BRINP3: variants seen among roughly 807,000 people sequenced by gnomAD.
BRINP3 encodes the protein BMP/retinoic acid inducible neural specific 3.
A neutral mutation model predicts 71.0 loss-of-function variants in BRINP3; 19 were observed. That is an observed-to-expected ratio of 0.27 (90% CI 0.19 to 0.39). The LOEUF (loss-of-function observed/expected upper bound fraction) is 0.39, where lower values mean the gene tolerates loss of function less well. Among genes scored for constraint, BRINP3 ranks in the 10% least tolerant of loss-of-function variants. BRINP3 has a pLI of 1.00. For missense variants in BRINP3, 959 were observed against 940.8 expected (o/e 1.02, Z -0.25); for synonymous variants, 380 against 337.7 (o/e 1.13, Z -1.37).
Position 190,196,786 on chromosome 1 carries a change from C to T in BRINP3, c.961+29296G>A, listed in dbSNP as rs118011647. Among the ~76,000 whole-genome samples the T allele has an allele frequency of 1.1e-3, 161 of 151,766 alleles. 1 individual carries two copies. The highest frequency in any genetic ancestry group is 0.011 in the East Asian group (54 of 5,138). ...CTGTTTTTCTGAGATCCATGTTTGTCTCATTTAATAAGGGTCATCTATGAG... is the reference window on the plus strand; with the variant it reads ...CTGTTTTTCTGAGATCCATGTTTGTTTCATTTAATAAGGGTCATCTATGAG... On this transcript the variant is annotated intron_variant, in intron 6 of 7. Transcript: ENST00000367462.
chr1:190,356,532 G>A (rs1338185390), intron 2 of BRINP3, among the ~76,000 whole-genome samples: 1 of 151,910 alleles, frequency 6.6e-6, no homozygotes, highest in Non-Finnish European at 1.5e-5. Flanking sequence ...TTTCTCCAAT[G>A]TCAGGAGGAT....
intron 2 of BRINP3, chr1:190,342,441 T>G (rs891420180): frequency 2.0e-5 from 3 of 151,570 alleles, no homozygotes; most frequent in African/African-American, 7.3e-5. Context: ...CCATTTGCTT[T>G]TTACATCCTA....
chr1:190,397,056 C>T (rs933840999), intron 2 of BRINP3, among the ~76,000 whole-genome samples: 1 of 151,766 alleles, frequency 6.6e-6, no homozygotes, highest in East Asian at 1.9e-4. Flanking sequence ...GTTGTGTTTG[C>T]CACTGTGGAC....
intron 2 of BRINP3, among the ~76,000 whole-genome samples, chr1:190,322,472 A>T (rs935554134): frequency 1.1e-4 from 17 of 152,186 alleles, no homozygotes; most frequent in Admixed American, 6.6e-5. Context: ...AACACCATGG[A>T]TTGCGTATAC....
At chr1:190,384,439 A>G (rs986390967) in intron 2 of BRINP3, among the ~76,000 whole-genome samples, 37 of 151,914 alleles carry the variant, frequency 2.4e-4, no homozygotes, top group African/African-American at 8.4e-4. Flanking sequence ...CAGAGTTTTA[A>G]TAGAATCTGT....
At chr1:190,425,646 C>G (rs1019651220) in intron 2 of BRINP3, among the ~76,000 whole-genome samples, 1 of 151,718 alleles carries the variant, frequency 6.6e-6, no homozygotes, top group Non-Finnish European at 1.5e-5. Flanking sequence ...ACCCCTTTTA[C>G]TAGAAACATG....
At chr1:190,163,022 A>T (rs1651153153) in intron 6 of BRINP3, among the ~76,000 whole-genome samples, 1 of 152,108 alleles carries the variant, frequency 6.6e-6, no homozygotes, top group Non-Finnish European at 1.5e-5. Context: ...TCAGATGTTA[A>T]AACTAACATC....
rs1674631886 is a variant in BRINP3 at position 190,438,776 on chromosome 1, G to GAAGAGTA, written c.236+15872_236+15878dup. Among the ~76,000 whole-genome samples, 5 of 151,946 alleles carry GAAGAGTA rather than the reference G, an allele frequency of 3.3e-5. No individual in the cohort carries two copies. In the South Asian group the frequency reaches 1.0e-3, roughly 31 times the overall value. ...AATAAGGAGAAAGGCACTAACCAAGGAAGAGTAAATGTTCCCTCTCAAGAT... is the reference window on the plus strand; with the variant it reads ...AATAAGGAGAAAGGCACTAACCAAGGAAGAGTAAAGAGTAAATGTTCCCTCTCAAGAT... On this transcript the variant is annotated intron_variant, in intron 2 of 7. Coordinates refer to ENST00000367462, the MANE Select transcript of BRINP3 (RefSeq NM_199051.3).
At chr1:190,407,428 A>G (rs1342085944) in intron 2 of BRINP3, among the ~76,000 whole-genome samples, 1 of 152,180 alleles carries the variant, frequency 6.6e-6, no homozygotes, top group African/African-American at 2.4e-5. Context: ...ACTCCACCTC[A>G]GTATACATGG....
At chr1:190,265,164 G>T (rs1392391891) in intron 3 of BRINP3, 109 bp from the exon 4 acceptor site, 3 of 967,392 alleles carry the variant, frequency 3.1e-6, no homozygotes, top group Non-Finnish European at 1.5e-6. Context: ...ACAAAGGAGT[G>T]ATATATGCCA....
intron 2 of BRINP3, among the ~76,000 whole-genome samples, chr1:190,393,212 T>C (rs541135074): frequency 2.0e-5 from 3 of 151,820 alleles, no homozygotes; most frequent in East Asian, 3.9e-4. Context: ...TGCATGCATG[T>C]ATTTAAATAC....
chr1:190,239,199 G>T (rs773798142), intron 4 of BRINP3, among the ~76,000 whole-genome samples: 1 of 152,102 alleles, frequency 6.6e-6, no homozygotes, highest in African/African-American at 2.4e-5. Flanking sequence ...TTTGAGATGA[G>T]ATTTGGGTGA....
Position 190,097,728 on chromosome 1 carries a change from T to C in BRINP3, c.*290A>G, listed in dbSNP as rs1028267289. The C allele has an allele frequency of 1.8e-5, 5 of 281,584 alleles. No homozygotes were observed. The Admixed American group carries it at 1.9e-4, about 11-fold the overall frequency. The allele number at this position is 281,584 out of a possible 1,614,324, so 17.4% of individuals were successfully genotyped here. A position where few individuals can be genotyped will look rare whatever the true frequency, so the allele number is the denominator to read the frequency against. ...TTTATGTTCCCTCTAGAGGATGTAA[T>C]GCACAAAAGCATTGCCACGGAACAT... On this transcript the variant is annotated 3_prime_UTR_variant, in exon 8 of 8. Transcript: ENST00000367462.
chr1:190,423,298 A>G (rs1055830857), intron 2 of BRINP3, among the ~76,000 whole-genome samples: 1 of 151,716 alleles, frequency 6.6e-6, no homozygotes, highest in Non-Finnish European at 1.5e-5. Context: ...TTTCACTGTT[A>G]TAGAGTTCAA....
intron 2 of BRINP3, among the ~76,000 whole-genome samples, chr1:190,446,809 GC>G (rs1241056413): frequency 6.6e-6 from 1 of 151,976 alleles, no homozygotes; most frequent in African/African-American, 2.4e-5. Context: ...AAGAATACAT[GC>G]CTCCTTGCTT....
At chr1:190,258,257 T>C (rs1216545071) in intron 4 of BRINP3, among the ~76,000 whole-genome samples, 2 of 152,152 alleles carry the variant, frequency 1.3e-5, no homozygotes, top group Non-Finnish European at 1.5e-5. Context: ...GCCCTAGCAG[T>C]GAGCAAGGCT....
chr1:190,327,963 TA>T (rs1305477028), intron 2 of BRINP3, among the ~76,000 whole-genome samples: 1 of 151,954 alleles, frequency 6.6e-6, no homozygotes, highest in Non-Finnish European at 1.5e-5. Flanking sequence ...ACTCTTGGAG[TA>T]AAAACAGAAA....
chr1:190,461,859 C>A (rs1303138222), intron 1 of BRINP3, among the ~76,000 whole-genome samples: 1 of 152,054 alleles, frequency 6.6e-6, no homozygotes, highest in Non-Finnish European at 1.5e-5. Flanking sequence ...TTTTTAAGAC[C>A]AGATTGTAAA....
intron 2 of BRINP3, among the ~76,000 whole-genome samples, chr1:190,433,901 G>T (rs1426010012): frequency 6.6e-6 from 1 of 152,048 alleles, no homozygotes; most frequent in Non-Finnish European, 1.5e-5. Flanking sequence ...GTGTTCTTGA[G>T]CATTTCTAGT....
Sources: allele counts gnomAD v4.1 joint callset (sites outside exome capture counted in the v4.1 genomes callset), GRCh38; gene constraint gnomAD v4.1.1; transcripts MANE v1.5; gene names NCBI Gene and HGNC (gene_info 2026-07-23, HGNC 2026-07-21).